The following ROBO1 variants were observed in gnomAD, a reference collection of about 807,000 sequenced individuals.
ROBO1 encodes roundabout homolog 1.
Under a neutral mutation model 195.9 loss-of-function variants are expected in ROBO1, and 149 were observed. The observed-to-expected ratio is 0.76, with a 90% CI of 0.67 to 0.87. The LOEUF is 0.87. ROBO1 is among the 40% of genes least tolerant of loss of function. The pLI is 0.00. For missense variants in ROBO1, 1,933 were observed against 2,068.3 expected (o/e 0.93, Z 1.27); for synonymous variants, 816 against 733.2 (o/e 1.11, Z -1.82).
chr3:79,294,627 C>T lies in ROBO1; in HGVS notation c.89-169088G>A, dbSNP rs539206481. Among the ~76,000 whole-genome samples, 194 of 152,088 alleles carry T rather than the reference C, an allele frequency of 1.3e-3. 1 individual carries two copies. Among genetic ancestry groups the T allele is most frequent in the African/African-American group, 4.5e-3 (188 of 41,452 alleles). On this transcript the variant is annotated intron_variant, in intron 2 of 30. Transcript: ENST00000464233. Reference sequence around the variant, plus strand: ...ATCTAATTAAACTGAAGAGCCTCTGCACAACAAAAGAAACAATCATAAGGG... The same window carrying T: ...ATCTAATTAAACTGAAGAGCCTCTGTACAACAAAAGAAACAATCATAAGGG...
chr3:79,550,772 T>C (rs1377211581), intron 2 of ROBO1, among the ~76,000 whole-genome samples: 7 of 152,206 alleles, frequency 4.6e-5, no homozygotes, highest in African/African-American at 1.7e-4. Flanking sequence ...GTTGATGGTA[T>C]ATGAATAACT....
chr3:78,771,793 T>A (rs1033332879), intron 4 of ROBO1, among the ~76,000 whole-genome samples: 3 of 152,060 alleles, frequency 2.0e-5, no homozygotes, highest in Admixed American at 6.6e-5. Flanking sequence ...TTTGGTAGAG[T>A]CTTTAGGGTT....
intron 3 of ROBO1, among the ~76,000 whole-genome samples, chr3:79,071,616 AT>A: frequency 6.6e-6 from 1 of 151,420 alleles, no homozygotes; most frequent in East Asian, 2.0e-4. Flanking sequence ...TATTGTGGTT[AT>A]TTTTTTAAAA....
chr3:79,382,960 G>A (rs2109381758), intron 2 of ROBO1, among the ~76,000 whole-genome samples: 1 of 152,234 alleles, frequency 6.6e-6, no homozygotes, highest in East Asian at 1.9e-4. Context: ...CAGCTCTGTG[G>A]AGGATTCAAG....
intron 2 of ROBO1, among the ~76,000 whole-genome samples, chr3:79,472,662 C>T (rs1397313288): frequency 2.6e-5 from 4 of 152,010 alleles, no homozygotes; most frequent in East Asian, 3.9e-4. Context: ...TGGGGACATT[C>T]GAAAACCAAT....
intron 26 of ROBO1, among the ~76,000 whole-genome samples, chr3:78,622,140 A>T (rs1264088793): frequency 6.6e-6 from 1 of 152,322 alleles, no homozygotes; most frequent in East Asian, 1.9e-4. Flanking sequence ...GTTTGAAAAA[A>T]AGAGAAGACA....
chr3:79,712,900 G>A (rs1702330582), intron 1 of ROBO1, among the ~76,000 whole-genome samples: 1 of 152,044 alleles, frequency 6.6e-6, no homozygotes, highest in South Asian at 2.1e-4. Context: ...CTAGGTGATA[G>A]TACACCTGTT....
intron 4 of ROBO1, among the ~76,000 whole-genome samples, chr3:78,827,967 A>C (rs1203175831): frequency 1.3e-5 from 2 of 152,246 alleles, no homozygotes; most frequent in African/African-American, 2.4e-5. Context: ...CCGAGTAGAC[A>C]CATAATATTA....
chr3:79,510,161 T>G (rs2107537307), intron 2 of ROBO1, among the ~76,000 whole-genome samples: 1 of 152,314 alleles, frequency 6.6e-6, no homozygotes, highest in Non-Finnish European at 1.5e-5. Flanking sequence ...AATCTCATCT[T>G]GAATTGTAGT....
chr3:79,295,529 T>C (rs2032539449), intron 2 of ROBO1, among the ~76,000 whole-genome samples: 1 of 152,144 alleles, frequency 6.6e-6, no homozygotes, highest in African/African-American at 2.4e-5. Flanking sequence ...CAAACCACTA[T>C]GGCACGTGTA....
chr3:79,384,727 A>C (rs933713708), intron 2 of ROBO1, among the ~76,000 whole-genome samples: 1 of 152,034 alleles, frequency 6.6e-6, no homozygotes, highest in African/African-American at 2.4e-5. Context: ...ATGTTATAGG[A>C]AGTTAAACGT....
At chr3:79,296,564 G>C (rs1037138029) in intron 2 of ROBO1, among the ~76,000 whole-genome samples, 1 of 152,114 alleles carries the variant, frequency 6.6e-6, no homozygotes, top group East Asian at 1.9e-4. Flanking sequence ...TCATGAACAG[G>C]TTTTGTGGGA....
chr3:78,874,581 T>C (rs2035730821), intron 4 of ROBO1, among the ~76,000 whole-genome samples: 2 of 151,910 alleles, frequency 1.3e-5, no homozygotes, highest in African/African-American at 4.8e-5. Flanking sequence ...AAACTTTATG[T>C]CATACACTTT....
At chr3:78,681,197 T>A (rs181018994) in intron 10 of ROBO1, among the ~76,000 whole-genome samples, 2,134 of 132,552 alleles carry the variant, frequency 0.016, 36 homozygotes, top group African/African-American at 0.058. Context: ...GTGGGGGGAG[T>A]GGGGAGGGAT....
chr3:78,652,456 T>C (rs1706727845), intron 18 of ROBO1, among the ~76,000 whole-genome samples: 1 of 152,162 alleles, frequency 6.6e-6, no homozygotes, highest in Non-Finnish European at 1.5e-5. Flanking sequence ...GAAAAGTCTC[T>C]ATGTGTGTGC....
chr3:78,711,359 C>T lies in ROBO1; in HGVS notation c.1045+3038G>A, dbSNP rs1257488491. 1.6e-3 allele frequency among the ~76,000 whole-genome samples: 63 copies of T among 39,436 alleles called. 2 individuals carry two copies. Among genetic ancestry groups the T allele is most frequent in the African/African-American group, 2.3e-3 (14 of 6,118 alleles). 25.9% of individuals were successfully genotyped at this position (39,436 alleles called of 152,430 possible). ...TCCTTCCTTCCTTCCTCCTTCCTTC[C>T]TTCCTTCCTTCCTTCCTTCCTTCCT... On this transcript the variant is annotated intron_variant, in intron 8 of 30. Transcript: ENST00000464233.
intron 3 of ROBO1, among the ~76,000 whole-genome samples, chr3:79,114,547 A>T (rs750483270): frequency 3.9e-5 from 6 of 152,132 alleles, no homozygotes; most frequent in Non-Finnish European, 5.9e-5. Context: ...TTAGGCTCAT[A>T]GATCTTGGTG....
At chr3:79,685,316 G>C (rs1454559069) in intron 1 of ROBO1, among the ~76,000 whole-genome samples, 4 of 152,126 alleles carry the variant, frequency 2.6e-5, no homozygotes, top group African/African-American at 9.7e-5. Context: ...GTAACTCTCA[G>C]GTCTTTTGTA....
Position 78,685,779 on chromosome 3 carries a change from T to C in ROBO1, c.1309A>G (p.Ile437Val), listed in dbSNP as rs752415598. Residue 437 changes from isoleucine (I) to valine (V), a missense_variant, in exon 10 of 31, where the codon ATC becomes GTC. By Grantham distance (29) the Ile-to-Val change is conservative. Around this residue, in one of 3 missense-constraint regions of ROBO1, gnomAD observed 1,737 missense variants for 1,882.5 expected, o/e 0.92. Transcript: ENST00000464233. ...ICQTLNVAGS[I>V]ITKAYLEVTD... ...ACTTCCAAATATGCCTTTGTGATGA[T>C]GCTTCCAGCAACATTTAAAGTCTGG... is the stretch of plus-strand genomic sequence containing the variant. 1.9e-5 allele frequency: 30 copies of C among 1,611,172 alleles called. No homozygotes were observed. Among genetic ancestry groups the C allele is most frequent in the Non-Finnish European group, 2.5e-5 (30 of 1,178,086 alleles).
Sources: gnomAD v4.1 joint callset for allele counts (sites outside exome capture counted in the v4.1 genomes callset) on GRCh38, gnomAD v4.1.1 for gene constraint, gnomAD v4.1.1 regional missense constraint, MANE v1.5 for transcripts, NCBI Gene and HGNC (gene_info 2026-07-23, HGNC 2026-07-21) for gene names.